The following PLEKHG4B variants were observed in gnomAD, a reference collection of about 807,000 sequenced individuals.
PLEKHG4B encodes pleckstrin homology domain-containing family G member 4B.
PLEKHG4B carries 111 observed loss-of-function variants against 121.3 expected under a neutral mutation model. The ratio of observed to expected loss-of-function variants is 0.92; its 90% CI spans 0.78 to 1.07. The LOEUF (loss-of-function observed/expected upper bound fraction) is 1.07. Among genes scored for constraint, PLEKHG4B ranks in the 50% least tolerant of loss-of-function variants. The pLI is 0.00. For missense variants in PLEKHG4B, 1,831 were observed against 1,757.8 expected (o/e 1.04, Z -0.74); for synonymous variants, 738 against 725.0 (o/e 1.02, Z -0.29).
chr5:118,638 T>C (rs918728038), intron 2 of PLEKHG4B, among the ~76,000 whole-genome samples: 20 of 152,316 alleles, frequency 1.3e-4, no homozygotes, highest in Admixed American at 1.1e-3. Context: ...TGTTGGTATT[T>C]TGACTTCCTC....
intron 2 of PLEKHG4B, among the ~76,000 whole-genome samples, chr5:119,478 T>A (rs1734406007): frequency 6.6e-6 from 1 of 152,018 alleles, no homozygotes; most frequent in African/African-American, 2.4e-5. Flanking sequence ...ACCAAGGAAA[T>A]TGTCAAAATA....
chr5:101,509 C>T (rs560996544), intron 1 of PLEKHG4B, among the ~76,000 whole-genome samples: 229 of 103,916 alleles, frequency 2.2e-3, no homozygotes, highest in African/African-American at 8.0e-3. Context: ...CTGGGAAAAG[C>T]CTGTAGGGGA....
chr5:173,962 G>C lies in PLEKHG4B; in HGVS notation c.4266G>C (p.Leu1422Phe). 6.2e-7 allele frequency: 1 copy of C among 1,613,190 alleles called. No homozygotes were observed. Among genetic ancestry groups the C allele is most frequent in the Non-Finnish European group, 8.5e-7 (1 of 1,179,762 alleles). Reference sequence around the variant, plus strand: ...CAGAGAACGTCGGGGACAGTGGCTTGAGGTTTGAGATTTGGTTTCGCAGGC... The same window carrying C: ...CAGAGAACGTCGGGGACAGTGGCTTCAGGTTTGAGATTTGGTTTCGCAGGC... ...GMTENVGDSG[L>F]RFEIWFRRRR... Residue 1422 changes from leucine (L) to phenylalanine (F), a missense_variant, in exon 18 of 20, where the codon TTG (leucine) becomes TTC (phenylalanine). By Grantham distance (22) the Leu-to-Phe change is conservative. Coordinates refer to ENST00000637938, the MANE Select transcript of PLEKHG4B (RefSeq NM_052909.5).
At chr5:103,805 G>A (rs1386822107) in intron 1 of PLEKHG4B, among the ~76,000 whole-genome samples, 1 of 152,142 alleles carries the variant, frequency 6.6e-6, no homozygotes, top group East Asian at 1.9e-4. Flanking sequence ...TAGACTACTA[G>A]AACTTATTCC....
chr5:135,713 ATATATATATATATATG>A (rs1734964047), intron 2 of PLEKHG4B, among the ~76,000 whole-genome samples: 1 of 109,170 alleles, frequency 9.2e-6, no homozygotes, highest in African/African-American at 3.6e-5. Context: ...ATATATATAT[ATATATATATATATATG>A]TATGTCAGTA....
At chr5:172,350 C>T (rs73016639) in intron 16 of PLEKHG4B, among the ~76,000 whole-genome samples, 16,783 of 152,180 alleles carry the variant, frequency 0.11, 1,836 homozygotes, top group African/African-American at 0.28. Flanking sequence ...CTGGTGGGCA[C>T]GGCGGCTCCA....
At position 163,564 on chromosome 5, in the gene PLEKHG4B, CCCT is replaced by C. The variant is rs1560943600; in HGVS notation, c.3476+21_3476+23del. 1 of 1,545,536 alleles carries C rather than the reference CCCT, an allele frequency of 6.5e-7. No homozygotes were observed. Among genetic ancestry groups the C allele is most frequent in the Non-Finnish European group, 8.7e-7 (1 of 1,144,768 alleles). ...AGGTGGGCAGGTGAGGTGGACGTCC[CCCT>C]CCTCTCGTCCTAGCAGTCCTTGGGG... On this transcript the variant is annotated intron_variant, in intron 13 of 19. Coordinates refer to ENST00000637938, the MANE Select transcript of PLEKHG4B (RefSeq NM_052909.5).
intron 1 of PLEKHG4B, among the ~76,000 whole-genome samples, chr5:112,570 C>G (rs1371400073): frequency 1.3e-5 from 2 of 152,194 alleles, no homozygotes; most frequent in Non-Finnish European, 2.9e-5. Flanking sequence ...TTCATAAAAG[C>G]ATGTTGCACC....
In PLEKHG4B at chr5:173,111, C is replaced by T. The variant is rs767349018; in HGVS notation, c.4221+44C>T. 9 of 1,591,114 alleles carry T rather than the reference C, an allele frequency of 5.7e-6. No individual in the cohort carries two copies. In the South Asian group the frequency reaches 6.6e-5, roughly 12 times the overall value. On this transcript the variant is annotated intron_variant, in intron 17 of 19. Coordinates refer to ENST00000637938, the MANE Select transcript of PLEKHG4B (RefSeq NM_052909.5). ...GATTGGGTGCAGGCCGAGCCAGGCC[C>T]TCCAAGGGGGTCTCGGACCCTTGTC...
chr5:172,329 G>A (rs182051614), intron 16 of PLEKHG4B, among the ~76,000 whole-genome samples: 2 of 152,358 alleles, frequency 1.3e-5, no homozygotes, highest in East Asian at 1.9e-4. Context: ...TTCCACTAGG[G>A]GAGGGACAGC....
At chr5:136,418 A>G (rs572819008) in intron 2 of PLEKHG4B, among the ~76,000 whole-genome samples, 3 of 152,382 alleles carry the variant, frequency 2.0e-5, no homozygotes, top group Admixed American at 1.3e-4. Flanking sequence ...CACATTGTGT[A>G]TCTCATAAGG....
chr5:181,195 C>A (rs1736920319), intron 18 of PLEKHG4B, among the ~76,000 whole-genome samples: 3 of 152,190 alleles, frequency 2.0e-5, no homozygotes, highest in Admixed American at 1.3e-4. Context: ...CTAATTGGGA[C>A]CTGCTGTGTG....
chr5:156,307 G>T lies in PLEKHG4B; in HGVS notation c.2348+97G>T. ...GGCGTAGCGCTCTGCTCCAAGGAGA[G>T]CCCCCTCTGTGCTTGGTCCAGACCT... is the stretch of plus-strand genomic sequence containing the variant. On this transcript the variant is annotated intron_variant, in intron 10 of 19. Coordinates refer to ENST00000637938, the MANE Select transcript of PLEKHG4B (RefSeq NM_052909.5). The surrounding 1 kb of genome is among the most constrained non-coding windows in gnomAD (Gnocchi z 4.4). The T allele has an allele frequency of 8.1e-7, 1 of 1,228,678 alleles. No individual in the cohort carries two copies. Among genetic ancestry groups the T allele is most frequent in the Non-Finnish European group, 1.0e-6 (1 of 959,932 alleles). 76.1% of individuals were successfully genotyped at this position (1,228,678 alleles called of 1,614,324 possible). A position where few individuals can be genotyped will look rare whatever the true frequency, so the allele number is the denominator to read the frequency against.
chr5:111,665 A>G (rs1025609868), intron 1 of PLEKHG4B, among the ~76,000 whole-genome samples: 2 of 151,952 alleles, frequency 1.3e-5, no homozygotes, highest in South Asian at 4.2e-4. Context: ...GGGATGGCCC[A>G]GTGTCGGCAT....
At chr5:97,818 C>G (rs7727872) in intron 1 of PLEKHG4B, among the ~76,000 whole-genome samples, 10,618 of 152,118 alleles carry the variant, frequency 0.07, 721 homozygotes, top group African/African-American at 0.17. Context: ...AATGGAATTT[C>G]AAGATTCTGT....
At chr5:108,113 G>A (rs1384971050) in intron 1 of PLEKHG4B, among the ~76,000 whole-genome samples, 4 of 152,294 alleles carry the variant, frequency 2.6e-5, no homozygotes, top group Admixed American at 2.6e-4. Flanking sequence ...GGTTGGTTAT[G>A]GGAATCGGAA....
At chr5:134,693 G>A (rs1310213491) in intron 2 of PLEKHG4B, among the ~76,000 whole-genome samples, 1 of 151,630 alleles carries the variant, frequency 6.6e-6, no homozygotes, top group African/African-American at 2.4e-5. Flanking sequence ...TCGAACCTGG[G>A]AGGTGGAGGT....
intron 18 of PLEKHG4B, 125 bp from the exon 19 acceptor site, chr5:181,389 G>C: frequency 1.0e-6 from 1 of 993,384 alleles, no homozygotes; most frequent in African/African-American, 1.6e-5. Context: ...CCCTCGTGGG[G>C]CAGGGTGGGT....
rs11953935 is a variant in PLEKHG4B, at chr5:147,883, T to C, written c.1905+2963T>C. ...AAATTCAGTAGCAGGCTGAAAGGATTATACACCCTGACCAAGTACAGTTTG... is the reference window on the plus strand; with the variant it reads ...AAATTCAGTAGCAGGCTGAAAGGATCATACACCCTGACCAAGTACAGTTTG... On this transcript the variant is annotated intron_variant, in intron 6 of 19. Coordinates refer to ENST00000637938, the MANE Select transcript of PLEKHG4B (RefSeq NM_052909.5). 2.7e-3 allele frequency among the ~76,000 whole-genome samples: 412 copies of C among 152,252 alleles called. 2 individuals are homozygous for C. The highest frequency in any genetic ancestry group is 9.6e-3 in the African/African-American group (397 of 41,546).
Sources: allele counts gnomAD v4.1 joint callset (sites outside exome capture counted in the v4.1 genomes callset), GRCh38; gene constraint gnomAD v4.1.1; non-coding constraint Gnocchi (gnomAD v3.1); transcripts MANE v1.5; gene names NCBI Gene and HGNC (gene_info 2026-07-23, HGNC 2026-07-21).